The following ZFHX3 variants were observed in gnomAD, a reference collection of about 807,000 sequenced individuals.
ZFHX3 encodes the protein zinc finger homeobox 3, also known as zinc finger homeobox protein 3.
ZFHX3 carries 42 observed loss-of-function variants against 279.1 expected under a neutral mutation model. The observed-to-expected ratio is 0.15, with a 90% CI of 0.12 to 0.19. The LOEUF (loss-of-function observed/expected upper bound fraction) is 0.19, where lower values mean the gene tolerates loss of function less well. Ranked by LOEUF, ZFHX3 falls within the 10% of genes least tolerant of loss-of-function variation. The pLI, the probability that ZFHX3 is intolerant of heterozygous loss-of-function variation, is 1.00. For synonymous variants in ZFHX3, 2,293 were observed against 1,957.8 expected (o/e 1.17, Z -4.52); for missense variants, 4,981 against 4,754.0 (o/e 1.05, Z -1.40).
At chr16:73,040,561 C>G (rs1271506980) in intron 1 of ZFHX3, among the ~76,000 whole-genome samples, 10 of 147,380 alleles carry the variant, frequency 6.8e-5, no homozygotes, top group Non-Finnish European at 1.5e-4. Flanking sequence ...AAGGGGAGGG[C>G]TGGGGTGGAT....
intron 1 of ZFHX3, among the ~76,000 whole-genome samples, chr16:73,039,851 CAG>C (rs1965046744): frequency 6.6e-6 from 1 of 152,124 alleles, no homozygotes; most frequent in Non-Finnish European, 1.5e-5. Flanking sequence ...TTTTAATACT[CAG>C]ATATCCAGGA....
rs373279907 is a variant in ZFHX3, at chr16:73,617,799, A to G, written c.-1547+62381T>C. 1.1e-4 allele frequency among the ~76,000 whole-genome samples: 16 copies of G among 152,270 alleles called. No individual in the cohort carries two copies. In the East Asian group the frequency reaches 1.5e-3, roughly 15 times the overall value. On this transcript the variant is annotated intron_variant, in intron 2 of 17. Coordinates refer to the ZFHX3 transcript ENST00000641206. The stretch of plus-strand genomic sequence containing the variant: ...TTTTTTAAAAAATCTCACTCAAATC[A>G]TAAGAATTGACATCTTTTCTGGGTA...
chr16:73,063,247 G>A (rs1464690208), upstream of ZFHX3, among the ~76,000 whole-genome samples: 1 of 152,230 alleles, frequency 6.6e-6, no homozygotes, highest in Non-Finnish European at 1.5e-5. Context: ...CTGGAGCGAG[G>A]TGCAGCCACC....
At chr16:72,915,775 A>G (rs1012012363) in intron 3 of ZFHX3, among the ~76,000 whole-genome samples, 1 of 152,152 alleles carries the variant, frequency 6.6e-6, no homozygotes, top group Non-Finnish European at 1.5e-5. Flanking sequence ...AAAAAAAAAA[A>G]AGGCTGAATT....
chr16:73,687,235 T>C (rs1597066485), intron 1 of ZFHX3, among the ~76,000 whole-genome samples: 1 of 145,136 alleles, frequency 6.9e-6, no homozygotes, highest in Non-Finnish European at 1.5e-5. Flanking sequence ...AAAAAAAAAG[T>C]ACAAAAATTA....
chr16:72,967,131 T>C (rs755767908), intron 1 of ZFHX3, among the ~76,000 whole-genome samples: 1 of 151,918 alleles, frequency 6.6e-6, no homozygotes, highest in East Asian at 1.9e-4. Flanking sequence ...ATGGGGGAAA[T>C]AGGAAAAAAG....
At chr16:73,478,877 C>T (rs939332791) in intron 2 of ZFHX3, among the ~76,000 whole-genome samples, 5 of 152,074 alleles carry the variant, frequency 3.3e-5, no homozygotes, top group African/African-American at 9.7e-5. Flanking sequence ...ATGGTGAAAC[C>T]CTGTCTCAAC....
chr16:73,687,058 A>ATATATG (rs2053095833), intron 1 of ZFHX3, among the ~76,000 whole-genome samples: 3 of 84,290 alleles, frequency 3.6e-5, no homozygotes, highest in African/African-American at 4.7e-5. Context: ...ATATATATAT[A>ATATATG]TATATATTTG....
At chr16:72,805,220 G>C (rs2036227915) in intron 7 of ZFHX3, among the ~76,000 whole-genome samples, 1 of 151,908 alleles carries the variant, frequency 6.6e-6, no homozygotes, top group Admixed American at 6.6e-5. Flanking sequence ...GACCTTAAGT[G>C]ATCTGCCCCC....
intron 2 of ZFHX3, among the ~76,000 whole-genome samples, chr16:73,633,829 C>A (rs112240602): frequency 3.3e-5 from 5 of 151,402 alleles, no homozygotes; most frequent in Non-Finnish European, 5.9e-5. Flanking sequence ...ACCCGGGAGG[C>A]GGAGGTTGCA....
rs193237007 is a variant in ZFHX3 at position 73,199,764 on chromosome 16, G to A, written c.-1103-55933C>T. 1.0e-3 allele frequency among the ~76,000 whole-genome samples: 153 copies of A among 152,318 alleles called. 4 individuals are homozygous for A. Among genetic ancestry groups the A allele is most frequent in the Admixed American group, 9.8e-3 (150 of 15,304 alleles). The stretch of plus-strand genomic sequence containing the variant: ...ATGGTGGATGGAAAGTAACATCACA[G>A]TCCTCCAGGTGCTACAGTGAGAGGG... On this transcript the variant is annotated intron_variant, in intron 5 of 17. Coordinates refer to the ZFHX3 transcript ENST00000641206.
intron 5 of ZFHX3, among the ~76,000 whole-genome samples, chr16:73,159,107 C>A (rs537127160): frequency 6.6e-6 from 1 of 152,160 alleles, no homozygotes. Flanking sequence ...AGAGCATCTG[C>A]ACAACAAAAG....
intron 4 of ZFHX3, among the ~76,000 whole-genome samples, chr16:73,264,041 C>T (rs545988883): frequency 7.6e-4 from 116 of 152,240 alleles, no homozygotes; most frequent in African/African-American, 2.7e-3. Flanking sequence ...GTGGCAGACG[C>T]CTGTGGTCCC....
intron 4 of ZFHX3, among the ~76,000 whole-genome samples, chr16:73,291,067 C>T (rs2014756463): frequency 6.6e-6 from 1 of 152,160 alleles, no homozygotes; most frequent in Admixed American, 6.5e-5. Flanking sequence ...CCTCGCCTGC[C>T]ACAACAAACC....
chr16:73,059,524 T>TCTCTCTCTCTCTCTCTCTC (rs1965652142), exon 1 of ZFHX3: 4 of 103,244 alleles, frequency 3.9e-5, no homozygotes, highest in East Asian at 4.1e-4. Flanking sequence ...ATTTTCCCCT[T>TCTCTCTCTCTCTCTCTCTC]TCTCTCTCTC....
At chr16:73,032,482 C>T (rs374835418) in intron 1 of ZFHX3, among the ~76,000 whole-genome samples, 1 of 152,094 alleles carries the variant, frequency 6.6e-6, no homozygotes, top group South Asian at 2.1e-4. Flanking sequence ...AAGGATTTCT[C>T]AACGCCATAG....
chr16:72,803,121 C>G (rs1427412370), intron 7 of ZFHX3, among the ~76,000 whole-genome samples: 2 of 152,152 alleles, frequency 1.3e-5, no homozygotes, highest in East Asian at 3.9e-4. Flanking sequence ...CATTTGAGGT[C>G]AGGAGTTCAA....
At chr16:73,742,410 T>C (rs2053666961) in intron 1 of ZFHX3, among the ~76,000 whole-genome samples, 1 of 152,188 alleles carries the variant, frequency 6.6e-6, no homozygotes, top group African/African-American at 2.4e-5. Context: ...TTCTCATAAG[T>C]GTTGACCATC....
intron 1 of ZFHX3, among the ~76,000 whole-genome samples, chr16:73,869,206 C>A (rs1962104160): frequency 6.6e-6 from 1 of 152,190 alleles, no homozygotes; most frequent in Non-Finnish European, 1.5e-5. Context: ...GCTGCAAATT[C>A]ATAGTAGAGC....
Sources: gnomAD v4.1 joint callset for allele counts (sites outside exome capture counted in the v4.1 genomes callset) on GRCh38, gnomAD v4.1.1 for gene constraint, MANE v1.5 for transcripts, NCBI Gene and HGNC (gene_info 2026-07-23, HGNC 2026-07-21) for gene names.